Variants in PIGU observed in about 807,000 individuals in gnomAD.
PIGU encodes the protein GPI-anchor transamidase component PIGU.
Under a neutral mutation model 49.9 loss-of-function variants are expected in PIGU, and 24 were observed. That is an observed-to-expected ratio of 0.48 (90% CI 0.35 to 0.68). PIGU has a LOEUF of 0.68. PIGU is among the 30% of genes least tolerant of loss of function. The pLI is 0.01. For missense variants in PIGU, 490 were observed against 532.6 expected (o/e 0.92, Z 0.79); for synonymous variants, 220 against 205.7 (o/e 1.07, Z -0.59).
rs987408587 is a variant in PIGU, at chr20:34,654,929, C to G, written c.195+2251G>C. ...CTGAGGCAGAGGAGTCGCTTGAACC[C>G]GGGAGGCAGAGGTTGCAGTGAGCTG... is the stretch of plus-strand genomic sequence containing the variant. On this transcript the variant is annotated intron_variant, in intron 2 of 11. Transcript: ENST00000217446. Among the ~76,000 whole-genome samples, 2 of 112,624 alleles carry G rather than the reference C, an allele frequency of 1.8e-5. 1 individual carries two copies. Among genetic ancestry groups the G allele is most frequent in the African/African-American group, 6.7e-5 (2 of 30,022 alleles). 73.9% of individuals were successfully genotyped at this position (112,624 alleles called of 152,430 possible).
At chr20:34,594,639 T>C (rs890385739) in intron 7 of PIGU, among the ~76,000 whole-genome samples, 2 of 152,140 alleles carry the variant, frequency 1.3e-5, no homozygotes, top group African/African-American at 4.8e-5. Flanking sequence ...CTGGGCGTGG[T>C]GGCAGGCGCC....
intron 11 of PIGU, among the ~76,000 whole-genome samples, chr20:34,568,911 T>C (rs1459118845): frequency 1.3e-5 from 2 of 152,110 alleles, no homozygotes; most frequent in Non-Finnish European, 2.9e-5. Context: ...AGATCCTGCT[T>C]GGAAGGGTGG....
intron 10 of PIGU, among the ~76,000 whole-genome samples, chr20:34,581,300 T>G (rs570728245): frequency 6.6e-6 from 1 of 152,248 alleles, no homozygotes; most frequent in East Asian, 1.9e-4. Context: ...ATGAGCTAAT[T>G]AATGCATGTA....
chr20:34,622,074 A>T lies in PIGU; in HGVS notation c.530-5935T>A, dbSNP rs542575885. Among the ~76,000 whole-genome samples the T allele has an allele frequency of 2.6e-5, 4 of 152,266 alleles. No homozygotes were observed. In the East Asian group the frequency reaches 7.7e-4, roughly 29 times the overall value. On this transcript the variant is annotated intron_variant, in intron 6 of 11. Coordinates refer to ENST00000217446, the MANE Select transcript of PIGU (RefSeq NM_080476.5). ...AACAGGGCAAGAGCTGGGAGGAGTG[A>T]CAGGAAAGAGAACACAAAAGGGGCT...
chr20:34,617,598 T>C (rs6120685), intron 6 of PIGU, among the ~76,000 whole-genome samples: 3 of 152,262 alleles, frequency 2.0e-5, no homozygotes, highest in African/African-American at 7.2e-5. Context: ...CTTTTGATTT[T>C]ACAGGCTCAC....
chr20:34,606,707 G>A (rs1014461120), intron 7 of PIGU, among the ~76,000 whole-genome samples: 1 of 151,922 alleles, frequency 6.6e-6, no homozygotes, highest in Non-Finnish European at 1.5e-5. Context: ...TAAGTGATAA[G>A]AGTTGGATTA....
intron 9 of PIGU, among the ~76,000 whole-genome samples, chr20:34,584,504 C>CTTTT (rs5841174): frequency 1.4e-3 from 95 of 66,360 alleles, no homozygotes; most frequent in Admixed American, 2.1e-3. Flanking sequence ...AACTCCTGTT[C>CTTTT]TTTTTTTTTT....
chr20:34,562,629 G>GTT, intron 11 of PIGU: 1 of 1,218,060 alleles, frequency 8.2e-7, no homozygotes, highest in Admixed American at 2.3e-5. Flanking sequence ...GGGTTCAATG[G>GTT]TTGGCCTAAG....
intron 7 of PIGU, among the ~76,000 whole-genome samples, chr20:34,615,028 G>A (rs116011163): frequency 0.016 from 2,499 of 152,308 alleles, 85 homozygotes; most frequent in African/African-American, 0.058. Context: ...TAGAGAGCAC[G>A]CTCTGGCATC....
At chr20:34,597,783 T>C (rs1984256998) in intron 7 of PIGU, among the ~76,000 whole-genome samples, 1 of 152,226 alleles carries the variant, frequency 6.6e-6, no homozygotes, top group Admixed American at 6.5e-5. Context: ...TATATGAGTG[T>C]TCGTATTTGT....
At chr20:34,604,638 A>G (rs1984546612) in intron 7 of PIGU, among the ~76,000 whole-genome samples, 2 of 152,166 alleles carry the variant, frequency 1.3e-5, no homozygotes, top group Non-Finnish European at 2.9e-5. Flanking sequence ...GTGACTGGGG[A>G]AGAAAAAATA....
intron 9 of PIGU, among the ~76,000 whole-genome samples, chr20:34,582,223 TG>T (rs1489952386): frequency 1.3e-5 from 2 of 152,354 alleles, no homozygotes; most frequent in African/African-American, 4.8e-5. Context: ...TCTTAAGGGC[TG>T]GGACTATTCT....
At chr20:34,588,643 G>A (rs1983804657) in intron 7 of PIGU, 36 bp from the exon 8 acceptor site, 1 of 1,587,138 alleles carries the variant, frequency 6.3e-7, no homozygotes, top group South Asian at 1.1e-5. Flanking sequence ...ACTTAGGGAT[G>A]TAAACAACAG....
chr20:34,611,071 A>G (rs1984794593), intron 7 of PIGU, among the ~76,000 whole-genome samples: 2 of 152,240 alleles, frequency 1.3e-5, no homozygotes, highest in Admixed American at 1.3e-4. Context: ...TGGATTAAAG[A>G]CTTATACGTA....
At chr20:34,664,851 A>G (rs888167917) in intron 1 of PIGU, among the ~76,000 whole-genome samples, 6 of 151,986 alleles carry the variant, frequency 3.9e-5, no homozygotes, top group African/African-American at 1.4e-4. Flanking sequence ...TTAGCCAGGC[A>G]TGGTGGAGAG....
intron 6 of PIGU, among the ~76,000 whole-genome samples, chr20:34,621,744 T>C (rs1985245163): frequency 6.6e-6 from 1 of 152,176 alleles, no homozygotes; most frequent in African/African-American, 2.4e-5. Context: ...TCAAATATTT[T>C]AAACAAACTG....
intron 11 of PIGU, among the ~76,000 whole-genome samples, chr20:34,562,769 G>T (rs1362194859): frequency 6.6e-6 from 1 of 152,220 alleles, no homozygotes; most frequent in Non-Finnish European, 1.5e-5. Flanking sequence ...AGCCCCCGAG[G>T]CCCTGCCCCC....
At chr20:34,665,370 A>T (rs1023508559) in intron 1 of PIGU, among the ~76,000 whole-genome samples, 1 of 150,330 alleles carries the variant, frequency 6.7e-6, no homozygotes. Flanking sequence ...CGCCCGGCTA[A>T]TTTTTTGTAT....
At chr20:34,596,726 G>C (rs1984215657) in intron 7 of PIGU, among the ~76,000 whole-genome samples, 1 of 152,074 alleles carries the variant, frequency 6.6e-6, no homozygotes, top group South Asian at 2.1e-4. Flanking sequence ...AATCAAGCTT[G>C]TTATTGTGAT....
Sources: allele counts gnomAD v4.1 joint callset (sites outside exome capture counted in the v4.1 genomes callset), GRCh38; gene constraint gnomAD v4.1.1; transcripts MANE v1.5; gene names NCBI Gene and HGNC (gene_info 2026-07-23, HGNC 2026-07-21).